The following SGCD variants were observed in gnomAD, a reference collection of about 807,000 sequenced individuals.
SGCD encodes the protein sarcoglycan delta, also known as delta-sarcoglycan.
In SGCD, 18 loss-of-function variants were observed where a neutral mutation model predicts 36.6. That is an observed-to-expected ratio of 0.49 (90% CI 0.34 to 0.73). The LOEUF is 0.73. Among genes scored for constraint, SGCD ranks in the 30% least tolerant of loss-of-function variants. The pLI, the probability that SGCD is intolerant of heterozygous loss-of-function variation, is 0.01. For missense variants in SGCD, 387 were observed against 346.7 expected, an observed-to-expected ratio of 1.12 and a Z score of -0.92; for synonymous variants, 133 against 130.6, an observed-to-expected ratio of 1.02 and a Z score of -0.12.
chr5:156,004,901 G>T (rs1758727724), intron 1 of SGCD, among the ~76,000 whole-genome samples: 1 of 152,146 alleles, frequency 6.6e-6, no homozygotes, highest in Non-Finnish European at 1.5e-5. Flanking sequence ...GGGCAACAGT[G>T]GCACAGACCT....
chr5:156,540,655 A>G (rs964536446), intron 4 of SGCD, among the ~76,000 whole-genome samples: 9 of 152,154 alleles, frequency 5.9e-5, no homozygotes, highest in Admixed American at 5.9e-4. Flanking sequence ...CTTATTTCGC[A>G]TAGTTTGCTG....
At chr5:156,474,465 T>C (rs1200961826) in intron 3 of SGCD, among the ~76,000 whole-genome samples, 1 of 152,144 alleles carries the variant, frequency 6.6e-6, no homozygotes, top group African/African-American at 2.4e-5. Context: ...AGCGCTTCTA[T>C]AGCAGCTTGT....
intron 4 of SGCD, among the ~76,000 whole-genome samples, chr5:156,529,048 T>A (rs1366722232): frequency 6.6e-6 from 1 of 152,136 alleles, no homozygotes; most frequent in Non-Finnish European, 1.5e-5. Flanking sequence ...GTAAGAAGAT[T>A]CCTACCTAGG....
At chr5:155,775,877 G>C in the SGCD span, among the ~76,000 whole-genome samples, 29 of 152,144 alleles carry the variant, frequency 1.9e-4, no homozygotes, top group Admixed American at 1.9e-3. Context: ...AGGAGAAGTA[G>C]AGTGTTTTGT....
intron 1 of SGCD, among the ~76,000 whole-genome samples, chr5:155,999,767 T>C (rs569734486): frequency 1.8e-4 from 27 of 152,330 alleles, no homozygotes; most frequent in African/African-American, 5.8e-4. Context: ...GTCCTTCTAC[T>C]TCATAAAATA....
chr5:155,863,773 T>G, the SGCD span, among the ~76,000 whole-genome samples: 1 of 151,924 alleles, frequency 6.6e-6, no homozygotes, highest in South Asian at 2.1e-4. Flanking sequence ...TTCCTTTAAG[T>G]ACTTGAGAAG....
chr5:156,581,887 C>T (rs1760277183), intron 4 of SGCD, among the ~76,000 whole-genome samples: 1 of 152,168 alleles, frequency 6.6e-6, no homozygotes, highest in African/African-American at 2.4e-5. Flanking sequence ...CCTGGTGAGG[C>T]GATGCCCTGC....
Position 155,911,096 on chromosome 5 carries a change from G to T in SGCD, c.-282+40672G>T, listed in dbSNP as rs1756620246. The stretch of plus-strand genomic sequence containing the variant: ...CACAAACATGATACTACCATTTTTA[G>T]AAAGGCCATGGCTCCATATCAATCT... On this transcript the variant is annotated intron_variant, in intron 1 of 9. Transcript: ENST00000517913. Among the ~76,000 whole-genome samples the T allele has an allele frequency of 5.9e-5, 9 of 152,168 alleles. No individual in the cohort carries two copies. In the South Asian group the frequency reaches 1.9e-3, roughly 31 times the overall value.
the SGCD span, among the ~76,000 whole-genome samples, chr5:155,747,236 G>C: frequency 6.6e-6 from 1 of 152,160 alleles, no homozygotes; most frequent in Non-Finnish European, 1.5e-5. Context: ...TAGGTTAATG[G>C]AGTGGGAGGC....
At chr5:155,898,015 G>C (rs1756305741) in intron 1 of SGCD, among the ~76,000 whole-genome samples, 1 of 152,334 alleles carries the variant, frequency 6.6e-6, no homozygotes, top group South Asian at 2.1e-4. Flanking sequence ...TAACGAATGA[G>C]TATATGAATG....
chr5:156,667,940 C>T (rs772636462), intron 7 of SGCD, among the ~76,000 whole-genome samples: 2 of 152,196 alleles, frequency 1.3e-5, no homozygotes, highest in Non-Finnish European at 2.9e-5. Context: ...ACTGTGCTTA[C>T]ATTTACTATT....
chr5:155,740,752 T>C, the SGCD span, among the ~76,000 whole-genome samples: 1 of 152,218 alleles, frequency 6.6e-6, no homozygotes, highest in Non-Finnish European at 1.5e-5. Flanking sequence ...CTGGTTGCTG[T>C]CTCTTGTTTT....
rs545759347 is a variant in SGCD, at chr5:155,915,943, G to A, written c.-282+45519G>A. Among the ~76,000 whole-genome samples the A allele has an allele frequency of 3.3e-5, 5 of 152,300 alleles. No homozygotes were observed. In the South Asian group the frequency reaches 1.0e-3, roughly 32 times the overall value. On this transcript the variant is annotated intron_variant, in intron 1 of 9. Transcript: ENST00000517913. ...CCAAAATTGGTGTGTGAAAGAGAGA[G>A]GGGTAGCTTCCTTTTGAAGTTAAGC...
At chr5:155,893,506 T>C (rs1756182440) in intron 1 of SGCD, among the ~76,000 whole-genome samples, 1 of 152,234 alleles carries the variant, frequency 6.6e-6, no homozygotes, top group Admixed American at 6.5e-5. Context: ...AGTTGAATTA[T>C]ATAAATGGTT....
intron 3 of SGCD, among the ~76,000 whole-genome samples, chr5:156,364,030 T>C (rs570132056): frequency 7.2e-5 from 11 of 152,210 alleles, no homozygotes; most frequent in African/African-American, 2.4e-4. Flanking sequence ...CCACACCTAA[T>C]ACTCAAGGCC....
At chr5:156,471,915 A>G (rs1249736503) in intron 3 of SGCD, among the ~76,000 whole-genome samples, 1 of 147,844 alleles carries the variant, frequency 6.8e-6, no homozygotes, top group Non-Finnish European at 1.5e-5. Context: ...GATTTGTATA[A>G]TCAAGAATAA....
At chr5:156,493,743 C>T (rs183224942) in intron 3 of SGCD, among the ~76,000 whole-genome samples, 1 of 152,224 alleles carries the variant, frequency 6.6e-6, no homozygotes, top group Admixed American at 6.5e-5. Context: ...GACTATCTTA[C>T]CCAGGGAAGA....
the SGCD span, among the ~76,000 whole-genome samples, chr5:155,834,832 ATCT>A: frequency 6.1e-5 from 9 of 147,112 alleles, 1 homozygote; most frequent in Non-Finnish European, 4.5e-5. Flanking sequence ...ATTGAATGTA[ATCT>A]TTTTTTTTTT....
intron 4 of SGCD, among the ~76,000 whole-genome samples, chr5:156,588,243 T>C (rs982579702): frequency 8.6e-5 from 13 of 152,032 alleles, no homozygotes; most frequent in Non-Finnish European, 1.5e-5. Flanking sequence ...GATCTAAGAA[T>C]GGTTTTCATG....
Sources: allele counts gnomAD v4.1 joint callset (sites outside exome capture counted in the v4.1 genomes callset), GRCh38; gene constraint gnomAD v4.1.1; transcripts MANE v1.5; gene names NCBI Gene and HGNC (gene_info 2026-07-23, HGNC 2026-07-21).